Variants in JAK2 observed in about 807,000 individuals in gnomAD.
JAK2 encodes tyrosine-protein kinase JAK2.
A neutral mutation model predicts 139.3 loss-of-function variants in JAK2; 86 were observed. That is an observed-to-expected ratio of 0.62 (90% CI 0.52 to 0.74). The LOEUF (loss-of-function observed/expected upper bound fraction) is 0.74, where lower values mean the gene tolerates loss of function less well. JAK2 is among the 30% of genes least tolerant of loss of function. The pLI is 0.00. For synonymous variants in JAK2, 490 were observed against 437.7 expected (o/e 1.12, Z -1.49); for missense variants, 1,421 against 1,360.3 (o/e 1.04, Z -0.70).
chr9:5,046,083 G>C (rs747260695), intron 5 of JAK2, among the ~76,000 whole-genome samples: 1 of 152,154 alleles, frequency 6.6e-6, no homozygotes, highest in Admixed American at 6.5e-5. Context: ...CTATGGGTTT[G>C]AGGTGGTATC....
intron 22 of JAK2, chr9:5,096,583 G>C (rs1293300817): frequency 6.6e-6 from 1 of 152,070 alleles, no homozygotes; most frequent in African/African-American, 2.4e-5. Context: ...AATTACCTCA[G>C]GGCTGGTAAA....
At chr9:5,039,428 A>C (rs1262305964) in intron 4 of JAK2, among the ~76,000 whole-genome samples, 2 of 152,158 alleles carry the variant, frequency 1.3e-5, no homozygotes, top group African/African-American at 4.8e-5. Context: ...AGTATACTGA[A>C]GGATGTGCAC....
At position 5,081,751 on chromosome 9, in the gene JAK2, A is replaced by G; in HGVS notation, c.2461A>G (p.Met821Val). 4 of 1,598,734 alleles carry G rather than the reference A, an allele frequency of 2.5e-6. No homozygotes were observed. Among genetic ancestry groups the G allele is most frequent in the Non-Finnish European group, 3.4e-6 (4 of 1,166,280 alleles). ...TTATGAACTATTAACAGAAAATGAC[A>G]TGTTACCAAATATGAGGATAGGTGC... The part of the protein sequence containing the change: ...PDYELLTEND[M>V]LPNMRIGALG... Residue 821 changes from methionine (M) to valine (V), a missense_variant, in exon 19 of 25, where the codon ATG becomes GTG. Physicochemically the swap from Met to Val is conservative, Grantham distance 21. Transcript: ENST00000381652.
At chr9:5,007,133 AAG>A (rs1821356586) in intron 2 of JAK2, among the ~76,000 whole-genome samples, 1 of 151,808 alleles carries the variant, frequency 6.6e-6, no homozygotes, top group South Asian at 2.1e-4. Flanking sequence ...TTCTGCTCTT[AAG>A]TACTTTCATT....
Position 5,022,035 on chromosome 9 carries a change from C to T in JAK2, c.48C>T (p.Thr16=), listed in dbSNP as rs763955675. The T allele has an allele frequency of 2.5e-6, 4 of 1,614,046 alleles. No homozygotes were observed. The highest frequency in any genetic ancestry group is 2.2e-5 in the South Asian group (2 of 91,092). ...LTMTEMEGTS[T]SSIYQNGDIS... is the part of the protein sequence containing the mutation. ...TGACAGAAATGGAGGGAACATCCAC[C>T]TCTTCTATATATCAGAATGGTGATA... is the stretch of plus-strand genomic sequence containing the variant. Residue 16 remains threonine (T), a synonymous_variant, in exon 3 of 25, where the codon ACC becomes ACT. Coordinates refer to ENST00000381652, the MANE Select transcript of JAK2 (RefSeq NM_004972.4).
At chr9:5,087,868 T>A (rs1820256954) in intron 19 of JAK2, among the ~76,000 whole-genome samples, 1 of 152,222 alleles carries the variant, frequency 6.6e-6, no homozygotes, top group Non-Finnish European at 1.5e-5. Context: ...ATGACTGTAT[T>A]TAAAAATTTT....
chr9:5,059,664 A>G (rs1356900456), intron 8 of JAK2, among the ~76,000 whole-genome samples: 2 of 152,114 alleles, frequency 1.3e-5, no homozygotes, highest in Non-Finnish European at 2.9e-5. Flanking sequence ...CTCTTCTTTC[A>G]GTAATGCATG....
At chr9:5,100,697 A>C (rs1194973793) in intron 22 of JAK2, 3 of 152,222 alleles carry the variant, frequency 2.0e-5, no homozygotes, top group African/African-American at 7.2e-5. Context: ...TGATAGAAGG[A>C]AATCGAAAGC....
chr9:5,128,382 G>C lies in JAK2; in HGVS notation c.*1591G>C, dbSNP rs1456431494. 6.6e-6 allele frequency among the ~76,000 whole-genome samples: 1 copy of C among 151,608 alleles called. No individual in the cohort carries two copies. Among genetic ancestry groups the C allele is most frequent in the East Asian group, 1.9e-4 (1 of 5,192 alleles). On this transcript the variant is annotated 3_prime_UTR_variant, in exon 25 of 25. Transcript: ENST00000381652. ...TTTTAAAAAGATTTTAGATTTTTTT[G>C]AAAGTTTAATTTTTATTTGTAAAGA... is the stretch of plus-strand genomic sequence containing the variant.
intron 19 of JAK2, among the ~76,000 whole-genome samples, chr9:5,083,819 T>C (rs1364940170): frequency 1.3e-5 from 2 of 152,166 alleles, no homozygotes; most frequent in South Asian, 2.1e-4. Flanking sequence ...ATACTGCTTA[T>C]AGAGAAATTG....
chr9:5,056,703 C>T (rs1473296461), intron 8 of JAK2, among the ~76,000 whole-genome samples: 1 of 152,048 alleles, frequency 6.6e-6, no homozygotes, highest in East Asian at 1.9e-4. Context: ...TTTATGGATG[C>T]ATAAAAGGAT....
chr9:4,993,784 G>A (rs1026541759), intron 2 of JAK2, among the ~76,000 whole-genome samples: 1 of 152,168 alleles, frequency 6.6e-6, no homozygotes, highest in Non-Finnish European at 1.5e-5. Flanking sequence ...TCTTCATAAC[G>A]TTGATAAGAA....
chr9:5,002,852 G>T (rs143285205), intron 2 of JAK2, among the ~76,000 whole-genome samples: 37 of 152,038 alleles, frequency 2.4e-4, no homozygotes, highest in African/African-American at 7.5e-4. Context: ...GTGTTTTTAT[G>T]TTCTGCTTAC....
chr9:5,013,942 T>G (rs1331433128), intron 2 of JAK2, among the ~76,000 whole-genome samples: 1 of 152,138 alleles, frequency 6.6e-6, no homozygotes, highest in Non-Finnish European at 1.5e-5. Flanking sequence ...AGGATGAAAC[T>G]TATTTTTAGG....
chr9:5,081,320 A>T (rs1273155288), intron 18 of JAK2, among the ~76,000 whole-genome samples: 2 of 151,044 alleles, frequency 1.3e-5, no homozygotes, highest in East Asian at 3.9e-4. Flanking sequence ...CTCATATTTT[A>T]TAATTGATTG....
At chr9:5,071,847 C>G (rs1296832169) in intron 12 of JAK2, among the ~76,000 whole-genome samples, 1 of 152,140 alleles carries the variant, frequency 6.6e-6, no homozygotes, top group Non-Finnish European at 1.5e-5. Context: ...CACAAGCAGC[C>G]TTACTGCAGA....
intron 13 of JAK2, 70 bp downstream of exon 13, chr9:5,072,696 G>A (rs867772599): frequency 6.8e-5 from 77 of 1,125,284 alleles, no homozygotes; most frequent in African/African-American, 6.1e-4. Flanking sequence ...TGCATACAAC[G>A]TACTCATGTG....
At position 5,121,872 on chromosome 9, in the gene JAK2, A is replaced by G. The variant is rs1441962823; in HGVS notation, c.3060-1132A>G. Among the ~76,000 whole-genome samples the G allele has an allele frequency of 2.0e-5, 3 of 152,180 alleles. No individual in the cohort carries two copies. The East Asian group carries it at 5.8e-4, about 29-fold the overall frequency. ...AAATTACAATGAGTGCTATATGAAA[A>G]CCAGAGGAAGAGCATATTTTGCAAG... On this transcript the variant is annotated intron_variant, in intron 22 of 24. Coordinates refer to ENST00000381652, the MANE Select transcript of JAK2 (RefSeq NM_004972.4).
chr9:5,091,061 CTTATAGTCATGG>C (rs1820534992), intron 22 of JAK2, 150 bp downstream of exon 22: 1 of 574,330 alleles, frequency 1.7e-6, no homozygotes, highest in South Asian at 2.6e-5. Context: ...TTTTTTAGGT[CTTATAGTCATGG>C]TTATAGTCCA....
Sources: gnomAD v4.1 joint callset for allele counts (sites outside exome capture counted in the v4.1 genomes callset) on GRCh38, gnomAD v4.1.1 for gene constraint, MANE v1.5 for transcripts, NCBI Gene and HGNC (gene_info 2026-07-23, HGNC 2026-07-21) for gene names.